Variants in PLIN3 observed in about 807,000 individuals in gnomAD.
PLIN3 encodes the protein perilipin 3.
A neutral mutation model predicts 35.9 loss-of-function variants in PLIN3; 30 were observed. That is an observed-to-expected ratio of 0.84 (90% CI 0.62 to 1.13). The LOEUF is 1.13. Ranked by LOEUF, PLIN3 falls within the 50% of genes most tolerant of loss-of-function variation. The pLI is 0.00. For synonymous variants in PLIN3, 261 were observed against 262.5 expected (o/e 0.99, Z 0.06); for missense variants, 603 against 596.9 (o/e 1.01, Z -0.11).
chr19:4,859,083 T>C (rs2030578975), intron 4 of PLIN3, among the ~76,000 whole-genome samples: 1 of 152,164 alleles, frequency 6.6e-6, no homozygotes, highest in Non-Finnish European at 1.5e-5. Context: ...CAACATTCTG[T>C]GTAAAGGGCC....
chr19:4,852,074 C>T lies in PLIN3; in HGVS notation c.576G>A (p.Val192=). Residue 192 remains valine, a synonymous_variant, in exon 5 of 8, where the codon GTG becomes GTA. Transcript: ENST00000221957. ...GQMVLSGVDT[V]LGKSEEWADN... is the part of the protein sequence containing the mutation. ...CCGCCCACTCCTCCGACTTCCCCAG[C>T]ACCGTGTCGACCCCACTCAACACCA... is the stretch of plus-strand genomic sequence containing the variant. 6.2e-7 allele frequency: 1 copy of T among 1,613,950 alleles called. No homozygotes were observed. Among genetic ancestry groups the T allele is most frequent in the Non-Finnish European group, 8.5e-7 (1 of 1,179,928 alleles).
At chr19:4,851,673 G>A (rs1020365963) in intron 5 of PLIN3, among the ~76,000 whole-genome samples, 2 of 151,952 alleles carry the variant, frequency 1.3e-5, no homozygotes, top group African/African-American at 2.4e-5. Flanking sequence ...GGAGAGGACA[G>A]GGGAGGTTGT....
intron 7 of PLIN3, among the ~76,000 whole-genome samples, chr19:4,840,776 T>A (rs1399629522): frequency 6.6e-6 from 1 of 152,136 alleles, no homozygotes; most frequent in Non-Finnish European, 1.5e-5. Context: ...GAAACCCGCA[T>A]TTCTACTAAA....
At position 4,839,486 on chromosome 19, in the gene PLIN3, C is replaced by T. The variant is rs1403230449; in HGVS notation, c.1011G>A (p.Leu337=). 4 of 1,550,956 alleles carry T rather than the reference C, an allele frequency of 2.6e-6. No homozygotes were observed. Among genetic ancestry groups the T allele is most frequent in the African/African-American group, 2.7e-5 (2 of 73,592 alleles). Residue 337 remains leucine (L), a synonymous_variant, in exon 8 of 8, where the codon CTG becomes CTA. Transcript: ENST00000221957. The part of the protein sequence containing the change: ...LTMFRDIAQQ[L]QATCTSLGSS... The stretch of plus-strand genomic sequence containing the variant: ...ACCCCAGGGAGGTACAGGTGGCCTG[C>T]AGTTGCTGGGCAATGTCCCGGAACA...
chr19:4,845,197 G>C (rs1185469779), intron 6 of PLIN3, among the ~76,000 whole-genome samples: 7 of 152,098 alleles, frequency 4.6e-5, no homozygotes, highest in Admixed American at 4.6e-4. Context: ...AGGTTGAGGT[G>C]GGTGGATCAC....
rs553080776 is a variant in PLIN3 at position 4,858,094 on chromosome 19, G to A, written c.348+1496C>T. Reference sequence around the variant, plus strand: ...TTGAGACCATCCTGGCCAACTTGGTGAAACCCCGTCTCTACTAAAAATACA... The same window carrying A: ...TTGAGACCATCCTGGCCAACTTGGTAAAACCCCGTCTCTACTAAAAATACA... On this transcript the variant is annotated intron_variant, in intron 4 of 7. Transcript: ENST00000221957. Among the ~76,000 whole-genome samples, 18 of 151,490 alleles carry A rather than the reference G, an allele frequency of 1.2e-4. No individual in the cohort carries two copies. In the East Asian group the frequency reaches 3.3e-3, roughly 28 times the overall value.
rs559603423 is a variant in PLIN3 at position 4,863,450 on chromosome 19, T to C, written c.-17-2039A>G. Reference sequence around the variant, plus strand: ...AAGCGGAAGTTGCAGTGAGCCGAGATCGCGCCGCTGCACTCCAGCCTGGGC... The same window carrying C: ...AAGCGGAAGTTGCAGTGAGCCGAGACCGCGCCGCTGCACTCCAGCCTGGGC... On this transcript the variant is annotated intron_variant, in intron 1 of 7. Transcript: ENST00000221957. Among the ~76,000 whole-genome samples the C allele has an allele frequency of 8.1e-4, 117 of 144,612 alleles. 1 individual carries two copies. The highest frequency in any genetic ancestry group is 1.4e-3 in the Non-Finnish European group (95 of 67,036). 94.9% of individuals were successfully genotyped at this position (144,612 alleles called of 152,430 possible).
intron 4 of PLIN3, among the ~76,000 whole-genome samples, chr19:4,856,284 C>A (rs1406156983): frequency 1.3e-5 from 2 of 152,054 alleles, no homozygotes; most frequent in African/African-American, 4.8e-5. Flanking sequence ...ATCTGCAGGG[C>A]GCGGTGGCTC....
chr19:4,859,280 G>T lies in PLIN3; in HGVS notation c.348+310C>A, dbSNP rs188623920. ...CTCATTCCTATAATCCCAGCACTTTGAGAGGCTGAGGCAGCTGGATCACCT... is the reference window on the plus strand; with the variant it reads ...CTCATTCCTATAATCCCAGCACTTTTAGAGGCTGAGGCAGCTGGATCACCT... On this transcript the variant is annotated intron_variant, in intron 4 of 7. Coordinates refer to ENST00000221957, the MANE Select transcript of PLIN3 (RefSeq NM_005817.5). 4.1e-3 allele frequency among the ~76,000 whole-genome samples: 621 copies of T among 152,266 alleles called. 5 individuals are homozygous for T. The highest frequency in any genetic ancestry group is 4.5e-3 in the Non-Finnish European group (304 of 68,030).
intron 5 of PLIN3, among the ~76,000 whole-genome samples, chr19:4,848,519 T>C (rs537365678): frequency 3.5e-4 from 54 of 152,336 alleles, no homozygotes; most frequent in Non-Finnish European, 4.7e-4. Context: ...CTGCAGAGAA[T>C]AACAGCATTC....
chr19:4,843,366 G>T (rs1420759933), intron 7 of PLIN3, among the ~76,000 whole-genome samples: 1 of 151,784 alleles, frequency 6.6e-6, no homozygotes, highest in Admixed American at 6.6e-5. Flanking sequence ...AAATTAGCTG[G>T]GCCTGGTGGC....
chr19:4,863,076 G>A (rs553119453), intron 1 of PLIN3, among the ~76,000 whole-genome samples: 96 of 152,292 alleles, frequency 6.3e-4, no homozygotes, highest in African/African-American at 2.0e-3. Flanking sequence ...AGAATCGCTT[G>A]AACCCAGGAG....
intron 4 of PLIN3, 71 bp downstream of exon 4, chr19:4,859,519 C>A: frequency 1.5e-6 from 2 of 1,310,768 alleles, no homozygotes; most frequent in Non-Finnish European, 2.2e-6. Flanking sequence ...TCTAGTTAAG[C>A]TGGGACCAGC....
chr19:4,864,770 A>G (rs1461034294), intron 1 of PLIN3, among the ~76,000 whole-genome samples: 1 of 152,142 alleles, frequency 6.6e-6, no homozygotes, highest in Non-Finnish European at 1.5e-5. Context: ...GACTAGTGAA[A>G]TGAAGCTGGG....
At chr19:4,847,648 G>A (rs756052818) in intron 6 of PLIN3, 43 bp downstream of exon 6, 33 of 1,516,818 alleles carry the variant, frequency 2.2e-5, no homozygotes, top group Admixed American at 1.9e-5. Flanking sequence ...CTGCTGCGGG[G>A]TGAAGGCTGC....
chr19:4,842,342 T>G (rs941078654), intron 7 of PLIN3, among the ~76,000 whole-genome samples: 2 of 151,374 alleles, frequency 1.3e-5, no homozygotes, highest in Admixed American at 1.3e-4. Flanking sequence ...GGCAGGAAAA[T>G]TGCTTGAACC....
At chr19:4,853,452 A>G (rs1325387991) in intron 4 of PLIN3, among the ~76,000 whole-genome samples, 2 of 151,700 alleles carry the variant, frequency 1.3e-5, no homozygotes, top group Admixed American at 1.3e-4. Context: ...CAGCCTCCCA[A>G]GTAGCTGGGA....
Position 4,839,250 on chromosome 19 carries a change from C to T in PLIN3, c.1247G>A (p.Trp416Ter). The T allele has an allele frequency of 6.2e-7, 1 of 1,611,760 alleles. No individual in the cohort carries two copies. Among genetic ancestry groups the T allele is most frequent in the Non-Finnish European group, 8.5e-7 (1 of 1,178,110 alleles). The change falls in exon 8 of 8, where the codon TGG (tryptophan) becomes TAG (stop). Residue 416 changes from tryptophan to a stop codon, truncating the protein, a stop_gained. Coordinates refer to ENST00000221957, the MANE Select transcript of PLIN3 (RefSeq NM_005817.5). LOFTEE classifies it high-confidence loss of function. Reference protein sequence around the residue: ...EYVAQNTPVTWLVGPFAPGIT... With the variant: ...EYVAQNTPVT ...TCCAGGGGCAAAGGGTCCCACGAGC[C>T]ACGTGACAGGTGTGTTCTGGGCCAC...
intron 5 of PLIN3, among the ~76,000 whole-genome samples, chr19:4,851,723 C>A (rs2030296638): frequency 6.6e-6 from 1 of 151,842 alleles, no homozygotes; most frequent in South Asian, 2.1e-4. Context: ...TGGGCTTTGA[C>A]CCCAGGGGAG....
Sources: allele counts gnomAD v4.1 joint callset (sites outside exome capture counted in the v4.1 genomes callset), GRCh38; gene constraint gnomAD v4.1.1; transcripts MANE v1.5; gene names NCBI Gene and HGNC (gene_info 2026-07-23, HGNC 2026-07-21).